Variants in LPA observed in about 807,000 individuals in gnomAD.
LPA encodes apolipoprotein(a).
In LPA, 199 loss-of-function variants were observed where a neutral mutation model predicts 197.9. That is an observed-to-expected ratio of 1.01 (90% CI 0.90 to 1.13). LPA has a LOEUF of 1.13. LPA is among the 50% of genes most tolerant of loss of function. LPA has a pLI of 0.00. For missense variants in LPA, 1,853 were observed against 1,785.8 expected, an observed-to-expected ratio of 1.04 and a Z score of -0.68; for synonymous variants, 715 against 639.5, an observed-to-expected ratio of 1.12 and a Z score of -1.78.
At chr6:160,554,948 G>A (rs1032689334) in intron 30 of LPA, among the ~76,000 whole-genome samples, 55 of 152,064 alleles carry the variant, frequency 3.6e-4, no homozygotes, top group Non-Finnish European at 6.5e-4. Context: ...TAATAGTTAC[G>A]GAGTTGCGCT....
At position 160,584,269 on chromosome 6, in the gene LPA, C is replaced by CTT. The variant is rs1296428247; in HGVS notation, c.4289+776_4289+777insAA. ...TCCTCCTCCTCCTCCTCTTCCTCTT[C>CTT]CTCTTCTTCTTCTTCTTCTTCTTCC... On this transcript the variant is annotated intron_variant, in intron 26 of 38. Coordinates refer to ENST00000316300, the MANE Select transcript of LPA (RefSeq NM_005577.4). 2.8e-3 allele frequency among the ~76,000 whole-genome samples: 349 copies of CTT among 122,892 alleles called. 7 individuals are homozygous for CTT. Among genetic ancestry groups the CTT allele is most frequent in the African/African-American group, 0.01 (344 of 33,252 alleles). 80.6% of individuals were successfully genotyped at this position (122,892 alleles called of 152,430 possible).
Position 160,601,052 on chromosome 6 carries a change from G to T in LPA, c.2992C>A (p.Pro998Thr). The stretch of plus-strand genomic sequence containing the variant: ...CTGGGATCTGTTGTATAACACCAAG[G>T]GGCTGCCACAGGATCTGGATTTCGG... Reference protein sequence around the residue: ...YCRNPDPVAAPWCYTTDPSVR... With the variant: ...YCRNPDPVAATWCYTTDPSVR... The change falls in exon 19 of 39, where the codon CCT (proline) becomes ACT (threonine). Residue 998 changes from proline (P) to threonine (T), a missense_variant. This residue lies in a region of LPA where 1,737 missense variants were observed against 1,504.4 expected (regional missense o/e 1.15). Transcript: ENST00000316300. 6.2e-7 allele frequency: 1 copy of T among 1,614,052 alleles called. No homozygotes were observed. Among genetic ancestry groups the T allele is most frequent in the Non-Finnish European group, 8.5e-7 (1 of 1,179,962 alleles).
Position 160,663,495 on chromosome 6 carries a change from GAC to G in LPA, c.49+669_49+670del, listed in dbSNP as rs1205932827. On this transcript the variant is annotated intron_variant, in intron 1 of 38. Coordinates refer to ENST00000316300, the MANE Select transcript of LPA (RefSeq NM_005577.4). Reference sequence around the variant, plus strand: ...GCTAAATAAGCTAGTATTTGTAAAGGACACACACTTACATTCACAATCACACA... The same window carrying G: ...GCTAAATAAGCTAGTATTTGTAAAGGACACACTTACATTCACAATCACACA... 4.6e-5 allele frequency among the ~76,000 whole-genome samples: 7 copies of G among 152,270 alleles called. No individual in the cohort carries two copies. The South Asian group carries it at 1.2e-3, about 27-fold the overall frequency.
rs773299288 is a variant in LPA, at chr6:160,541,147, A to G, written c.5554T>C (p.Ser1852Pro). The G allele has an allele frequency of 6.2e-7, 1 of 1,614,126 alleles. No homozygotes were observed. Among genetic ancestry groups the G allele is most frequent in the Non-Finnish European group, 8.5e-7 (1 of 1,179,982 alleles). ...GKHFCGGTLI[S>P]PEWVLTAAHC... The stretch of plus-strand genomic sequence containing the variant: ...GCAGCAGTCAGCACCCACTCTGGGG[A>G]TATTAAGGTGCCTCCACAGAAGTGC... Residue 1852 changes from serine to proline, a missense_variant, in exon 35 of 39, where the codon TCC (serine) becomes CCC (proline). This residue lies in a region of LPA where 1,737 missense variants were observed against 1,504.4 expected (regional missense o/e 1.15). Transcript: ENST00000316300.
At position 160,531,775 on chromosome 6, in the gene LPA, A is replaced by G. The variant is rs776721688; in HGVS notation, c.6077T>C (p.Val2026Ala). Reference sequence around the variant, plus strand: ...CTCAATCCAAGTAACAAACCTTGAAACACGAGCATAGACACCAGGCTTATT... The same window carrying G: ...CTCAATCCAAGTAACAAACCTTGAAGCACGAGCATAGACACCAGGCTTATT... ...RPNKPGVYAR[V>A]SRFVTWIEGM... Residue 2026 changes from valine (V) to alanine (A), a missense_variant, in exon 39 of 39, where the codon GTT becomes GCT. Coordinates refer to ENST00000316300, the MANE Select transcript of LPA (RefSeq NM_005577.4). The G allele has an allele frequency of 2.5e-6, 4 of 1,614,132 alleles. No individual in the cohort carries two copies. The Admixed American group carries it at 6.7e-5, about 27-fold the overall frequency.
At chr6:160,549,961 G>C (rs914468281) in intron 30 of LPA, among the ~76,000 whole-genome samples, 1 of 152,226 alleles carries the variant, frequency 6.6e-6, no homozygotes, top group African/African-American at 2.4e-5. Flanking sequence ...TTTGGCTCAC[G>C]CCTGTAATCC....
At chr6:160,648,509 C>T (rs1214567911) in intron 2 of LPA, among the ~76,000 whole-genome samples, 1 of 151,606 alleles carries the variant, frequency 6.6e-6, no homozygotes, top group Non-Finnish European at 1.5e-5. Context: ...TTATGTTTTC[C>T]TTTATGTCTG....
rs750027060 is a variant in LPA at position 160,606,470 on chromosome 6, T to G, written c.2785+7A>C. 14 of 1,613,332 alleles carry G rather than the reference T, an allele frequency of 8.7e-6. No individual in the cohort carries two copies. In the South Asian group the frequency reaches 1.4e-4, roughly 16 times the overall value. On this transcript the variant is annotated splice_region_variant and intron_variant, in intron 17 of 38. Coordinates refer to ENST00000316300, the MANE Select transcript of LPA (RefSeq NM_005577.4). ...AACGTGTAGGTTTCTGGCCACAGGCTCCTTACCTTGTTCAGAAGGAGCCTC... is the reference window on the plus strand; with the variant it reads ...AACGTGTAGGTTTCTGGCCACAGGCGCCTTACCTTGTTCAGAAGGAGCCTC...
At chr6:160,596,076 C>G (rs907646207) in intron 20 of LPA, among the ~76,000 whole-genome samples, 9 of 152,196 alleles carry the variant, frequency 5.9e-5, no homozygotes, top group Non-Finnish European at 2.9e-5. Context: ...TTGTTGTCTT[C>G]CTCAGGAATT....
At chr6:160,653,974 A>AAT (rs1457288145) in intron 1 of LPA, among the ~76,000 whole-genome samples, 1 of 16,346 alleles carries the variant, frequency 6.1e-5, no homozygotes, top group South Asian at 2.1e-3. Context: ...TATTATATAT[A>AAT]ATATATAATA....
intron 33 of LPA, among the ~76,000 whole-genome samples, chr6:160,544,484 T>G (rs1778031954): frequency 6.6e-6 from 1 of 152,130 alleles, no homozygotes; most frequent in African/African-American, 2.4e-5. Context: ...CTCTCCTTCT[T>G]CCCTCTTGCT....
chr6:160,556,223 T>C lies in LPA; in HGVS notation c.4814-39A>G, dbSNP rs113024957. The stretch of plus-strand genomic sequence containing the variant: ...AAATCAAGCTGAGTAACTACTAGTA[T>C]GCAGAAACATGTGAAGCAATTTATG... On this transcript the variant is annotated intron_variant, in intron 29 of 38. Coordinates refer to ENST00000316300, the MANE Select transcript of LPA (RefSeq NM_005577.4). 3.1e-5 allele frequency: 49 copies of C among 1,603,318 alleles called. No homozygotes were observed. In the African/African-American group the frequency reaches 6.0e-4, roughly 20 times the overall value.
chr6:160,600,671 G>A (rs1779220311), intron 19 of LPA, among the ~76,000 whole-genome samples: 1 of 152,152 alleles, frequency 6.6e-6, no homozygotes, highest in African/African-American at 2.4e-5. Context: ...TTTACAATGA[G>A]GGGAGTGGTG....
intron 26 of LPA, among the ~76,000 whole-genome samples, chr6:160,581,209 T>C (rs561296667): frequency 6.6e-6 from 1 of 152,316 alleles, no homozygotes; most frequent in South Asian, 2.1e-4. Context: ...GCTACCTGTA[T>C]TGAAAATAAA....
chr6:160,574,672 C>G (rs1778622944), intron 28 of LPA, among the ~76,000 whole-genome samples: 2 of 152,200 alleles, frequency 1.3e-5, no homozygotes, highest in Admixed American at 1.3e-4. Flanking sequence ...AACAGACTTT[C>G]AGCTTCTCCA....
chr6:160,556,439 T>C (rs1281511580), intron 29 of LPA, among the ~76,000 whole-genome samples: 2 of 152,138 alleles, frequency 1.3e-5, no homozygotes, highest in Admixed American at 6.6e-5. Context: ...CAAAGACTCA[T>C]GTGCAAGCTC....
chr6:160,552,408 T>C (rs1778181266), intron 30 of LPA, among the ~76,000 whole-genome samples: 3 of 152,356 alleles, frequency 2.0e-5, no homozygotes, highest in Middle Eastern at 6.8e-3. Context: ...TTTAATTCTT[T>C]CCTCAACATT....
intron 30 of LPA, among the ~76,000 whole-genome samples, chr6:160,551,073 G>A (rs573484861): frequency 6.6e-6 from 1 of 152,238 alleles, no homozygotes. Flanking sequence ...TTGCAGGTTT[G>A]TAGGGTAAAA....
Position 160,547,893 on chromosome 6 carries a change from T to C in LPA, c.5200A>G (p.Thr1734Ala), listed in dbSNP as rs200119948. The C allele has an allele frequency of 7.4e-5, 120 of 1,614,086 alleles. No homozygotes were observed. The East Asian group carries it at 2.4e-3, about 33-fold the overall frequency. Residue 1734 changes from threonine (T) to alanine (A), a missense_variant, in exon 32 of 39, where the codon ACC becomes GCC. Physicochemically the swap from Thr to Ala is moderately conservative, Grantham distance 58 (BLOSUM62 0). This residue lies in a region of LPA where 1,737 missense variants were observed against 1,504.4 expected (regional missense o/e 1.15). Coordinates refer to ENST00000316300, the MANE Select transcript of LPA (RefSeq NM_005577.4). ...TGGCATGGCGTCCCAGTAACAGTGGTTGCCTTCTTGCCCCGGTATCCTTTC... is the reference window on the plus strand; with the variant it reads ...TGGCATGGCGTCCCAGTAACAGTGGCTGCCTTCTTGCCCCGGTATCCTTTC... Reference protein sequence around the residue: ...NGKGYRGKKATTVTGTPCQEW... With the variant: ...NGKGYRGKKAATVTGTPCQEW...
Sources: gnomAD v4.1 joint callset for allele counts (sites outside exome capture counted in the v4.1 genomes callset) on GRCh38, gnomAD v4.1.1 for gene constraint, gnomAD v4.1.1 regional missense constraint, MANE v1.5 for transcripts, NCBI Gene and HGNC (gene_info 2026-07-23, HGNC 2026-07-21) for gene names.